Variants in GALNT17 observed in about 807,000 individuals in gnomAD.
GALNT17 encodes polypeptide N-acetylgalactosaminyltransferase 17.
A neutral mutation model predicts 63.7 loss-of-function variants in GALNT17; 29 were observed. The observed-to-expected ratio is 0.46, with a 90% CI of 0.34 to 0.62. GALNT17 has a LOEUF of 0.62. GALNT17 is among the 20% of genes least tolerant of loss of function. GALNT17 has a pLI of 0.01. For missense variants in GALNT17, 603 were observed against 799.6 expected (o/e 0.75, Z 2.97); for synonymous variants, 305 against 318.3 (o/e 0.96, Z 0.45).
intron 6 of GALNT17, among the ~76,000 whole-genome samples, chr7:71,640,782 C>T (rs986188380): frequency 2.6e-5 from 4 of 151,564 alleles, no homozygotes; most frequent in African/African-American, 9.7e-5. Flanking sequence ...GAGGCTTACC[C>T]AGGAGGATCA....
At chr7:71,223,652 C>G (rs1380486619) in intron 1 of GALNT17, among the ~76,000 whole-genome samples, 2 of 152,062 alleles carry the variant, frequency 1.3e-5, no homozygotes, top group Non-Finnish European at 2.9e-5. Context: ...ATTCCATCAC[C>G]CAGGTATTAA....
rs557857802 is a variant in GALNT17, at chr7:71,158,706, A to G, written c.238+25666A>G. ...ATTCTCCTACCTCAGACTCCCGAGTAGCTCCGACTACAGGCGCCTGCCACC... is the reference window on the plus strand; with the variant it reads ...ATTCTCCTACCTCAGACTCCCGAGTGGCTCCGACTACAGGCGCCTGCCACC... On this transcript the variant is annotated intron_variant, in intron 1 of 10. Coordinates refer to ENST00000333538, the MANE Select transcript of GALNT17 (RefSeq NM_022479.3). Among the ~76,000 whole-genome samples, 3 of 151,870 alleles carry G rather than the reference A, an allele frequency of 2.0e-5. No homozygotes were observed. The East Asian group carries it at 5.8e-4, about 29-fold the overall frequency.
At chr7:71,251,589 T>C (rs1410058958) in intron 1 of GALNT17, among the ~76,000 whole-genome samples, 2 of 152,152 alleles carry the variant, frequency 1.3e-5, no homozygotes, top group Non-Finnish European at 2.9e-5. Context: ...TAAAAATTTT[T>C]TTCGTAGAGA....
At chr7:71,510,138 G>C (rs149731659) in intron 5 of GALNT17, among the ~76,000 whole-genome samples, 1 of 152,068 alleles carries the variant, frequency 6.6e-6, no homozygotes, top group East Asian at 1.9e-4. Flanking sequence ...GTAGAGATGG[G>C]GCCTTGCTCT....
intron 6 of GALNT17, among the ~76,000 whole-genome samples, chr7:71,635,362 G>A (rs1019523867): frequency 6.6e-6 from 1 of 152,184 alleles, no homozygotes; most frequent in African/African-American, 2.4e-5. Context: ...TGATGTTAAT[G>A]CTGGAGAGAT....
chr7:71,162,492 A>G (rs913867177), intron 1 of GALNT17, among the ~76,000 whole-genome samples: 1 of 152,056 alleles, frequency 6.6e-6, no homozygotes. Flanking sequence ...AAAAATGAGA[A>G]TGTGAGCTCC....
At chr7:71,632,658 G>A (rs1229078724) in intron 6 of GALNT17, among the ~76,000 whole-genome samples, 1 of 152,192 alleles carries the variant, frequency 6.6e-6, no homozygotes, top group African/African-American at 2.4e-5. Flanking sequence ...AATGTAGCAA[G>A]TGAGAAGGGC....
At chr7:71,212,620 A>AC (rs959620872) in intron 1 of GALNT17, among the ~76,000 whole-genome samples, 1 of 152,054 alleles carries the variant, frequency 6.6e-6, no homozygotes, top group Non-Finnish European at 1.5e-5. Flanking sequence ...AGCAGCCAGG[A>AC]GGGGGGGCTA....
At chr7:71,379,597 A>C (rs572147004) in intron 2 of GALNT17, among the ~76,000 whole-genome samples, 1 of 152,160 alleles carries the variant, frequency 6.6e-6, no homozygotes, top group Non-Finnish European at 1.5e-5. Context: ...TGAAAATGGC[A>C]GAATCTGCAG....
intron 5 of GALNT17, among the ~76,000 whole-genome samples, chr7:71,465,670 C>A (rs1787523560): frequency 6.6e-6 from 1 of 152,168 alleles, no homozygotes. Context: ...AATCAACTCA[C>A]AAGAGGCAGA....
chr7:71,661,909 C>T (rs957295450), intron 6 of GALNT17, among the ~76,000 whole-genome samples: 1 of 152,196 alleles, frequency 6.6e-6, no homozygotes, highest in Non-Finnish European at 1.5e-5. Context: ...TTCCTGCCAC[C>T]TGTCTGTTAC....
intron 2 of GALNT17, among the ~76,000 whole-genome samples, chr7:71,376,617 T>A (rs1365013712): frequency 1.3e-5 from 2 of 151,620 alleles, no homozygotes; most frequent in Non-Finnish European, 2.9e-5. Context: ...GAGAAAGCAG[T>A]GCTGTACAAA....
chr7:71,416,997 T>A (rs1010244427), intron 4 of GALNT17, among the ~76,000 whole-genome samples: 5 of 152,162 alleles, frequency 3.3e-5, no homozygotes, highest in African/African-American at 9.7e-5. Context: ...AAAATTGGAA[T>A]AGGACTTTCC....
intron 1 of GALNT17, among the ~76,000 whole-genome samples, chr7:71,162,404 T>TCATCCATC (rs547638443): frequency 1.5e-4 from 23 of 149,450 alleles, no homozygotes; most frequent in African/African-American, 5.1e-4. Flanking sequence ...TGAATTGAGT[T>TCATCCATC]CATCCATCCA....
At chr7:71,544,641 G>A (rs1301270296) in intron 5 of GALNT17, among the ~76,000 whole-genome samples, 2 of 152,042 alleles carry the variant, frequency 1.3e-5, no homozygotes, top group Non-Finnish European at 2.9e-5. Context: ...TTCTTGCCTG[G>A]GGGGAGTAGT....
intron 1 of GALNT17, among the ~76,000 whole-genome samples, chr7:71,241,220 T>G (rs1022028723): frequency 6.6e-6 from 1 of 152,210 alleles, no homozygotes; most frequent in Non-Finnish European, 1.5e-5. Flanking sequence ...ACTCTTTCTC[T>G]CCTCCCTGGT....
chr7:71,184,889 C>A (rs1232306868), intron 1 of GALNT17, among the ~76,000 whole-genome samples: 1 of 151,692 alleles, frequency 6.6e-6, no homozygotes, highest in African/African-American at 2.4e-5. Flanking sequence ...CTGCACAAGC[C>A]CTGTGAGCTG....
At chr7:71,382,271 T>G (rs1319112347) in intron 2 of GALNT17, among the ~76,000 whole-genome samples, 1 of 151,902 alleles carries the variant, frequency 6.6e-6, no homozygotes, top group East Asian at 1.9e-4. Context: ...TCCCAGCTAC[T>G]TGGGAGGCTG....
At chr7:71,560,553 T>C (rs2116852205) in intron 5 of GALNT17, among the ~76,000 whole-genome samples, 1 of 152,148 alleles carries the variant, frequency 6.6e-6, no homozygotes, top group East Asian at 1.9e-4. Flanking sequence ...GGGTGTGTCA[T>C]CACATGCAGA....
Sources: gnomAD v4.1 joint callset for allele counts (sites outside exome capture counted in the v4.1 genomes callset) on GRCh38, gnomAD v4.1.1 for gene constraint, MANE v1.5 for transcripts, NCBI Gene and HGNC (gene_info 2026-07-23, HGNC 2026-07-21) for gene names.